Variants in ANKS1A observed in about 807,000 individuals in gnomAD.
ANKS1A encodes ankyrin repeat and SAM domain-containing protein 1A.
A neutral mutation model predicts 120.3 loss-of-function variants in ANKS1A; 55 were observed. That is an observed-to-expected ratio of 0.46 (90% CI 0.37 to 0.57). The LOEUF (loss-of-function observed/expected upper bound fraction) is 0.57, where lower values mean the gene tolerates loss of function less well. Among genes scored for constraint, ANKS1A ranks in the 20% least tolerant of loss-of-function variants. The pLI is 0.00. For synonymous variants in ANKS1A, 590 were observed against 604.7 expected, an observed-to-expected ratio of 0.98 and a Z score of 0.36; for missense variants, 1,123 against 1,480.3, an observed-to-expected ratio of 0.76 and a Z score of 3.96.
Position 35,054,090 on chromosome 6 carries a change from C to G in ANKS1A, c.2011-9C>G. 1 of 1,613,124 alleles carries G rather than the reference C, an allele frequency of 6.2e-7. No individual in the cohort carries two copies. On this transcript the variant is annotated splice_polypyrimidine_tract_variant and intron_variant, in intron 11 of 23. Transcript: ENST00000360359. The stretch of plus-strand genomic sequence containing the variant: ...CTGCCTCTCCTCTTTGTTCTTTCTT[C>G]CATTTCAGATTGAGAAAATCATGAG...
chr6:35,044,384 G>A lies in ANKS1A; in HGVS notation c.2011-9715G>A, dbSNP rs114996802. On this transcript the variant is annotated intron_variant, in intron 11 of 23. Transcript: ENST00000360359. This position sits in a 1 kb window ranked among gnomAD's most constrained non-coding sequence, Gnocchi z 4.4. ...TGCTCACAGCCGCGTTGCTGAAAGCGGCAAAGCTGATTCCACAGTCTCAGG... is the reference window on the plus strand; with the variant it reads ...TGCTCACAGCCGCGTTGCTGAAAGCAGCAAAGCTGATTCCACAGTCTCAGG... Among the ~76,000 whole-genome samples, 1,198 of 152,348 alleles carry A rather than the reference G, an allele frequency of 7.9e-3. 9 individuals carry two copies. Among genetic ancestry groups the A allele is most frequent in the African/African-American group, 0.024 (1,018 of 41,586 alleles).
At chr6:35,069,417 A>T (rs1776962051) in intron 13 of ANKS1A, among the ~76,000 whole-genome samples, 2 of 151,992 alleles carry the variant, frequency 1.3e-5, no homozygotes, top group Non-Finnish European at 2.9e-5. Flanking sequence ...AAAGTAACTT[A>T]GGTCTCTTGG....
intron 1 of ANKS1A, among the ~76,000 whole-genome samples, chr6:34,938,953 G>A (rs1769397445): frequency 6.6e-6 from 1 of 152,162 alleles, no homozygotes; most frequent in Non-Finnish European, 1.5e-5. Context: ...TCGCCACTGT[G>A]CTCCAGCCTG....
chr6:34,971,931 G>T (rs1282144913), intron 3 of ANKS1A, among the ~76,000 whole-genome samples: 1 of 152,172 alleles, frequency 6.6e-6, no homozygotes, highest in Non-Finnish European at 1.5e-5. Context: ...ATTTGGGAAT[G>T]AAAAGTATCT....
intron 10 of ANKS1A, among the ~76,000 whole-genome samples, chr6:35,004,805 A>G (rs1002355545): frequency 6.6e-6 from 1 of 152,182 alleles, no homozygotes; most frequent in African/African-American, 2.4e-5. Context: ...ATACCATCCT[A>G]ATCTAACCAC....
At chr6:34,960,140 A>G (rs561612431) in intron 1 of ANKS1A, among the ~76,000 whole-genome samples, 20 of 151,438 alleles carry the variant, frequency 1.3e-4, no homozygotes, top group Non-Finnish European at 2.4e-4. Flanking sequence ...GTTTGATGCT[A>G]CTCTGCCTGT....
intron 1 of ANKS1A, among the ~76,000 whole-genome samples, chr6:34,941,516 C>T (rs1248427171): frequency 6.6e-6 from 1 of 152,148 alleles, no homozygotes; most frequent in East Asian, 1.9e-4. Context: ...AATCCTCCCA[C>T]CTCGGCCTCA....
intron 1 of ANKS1A, among the ~76,000 whole-genome samples, chr6:34,909,165 G>A (rs945820735): frequency 8.6e-5 from 13 of 151,956 alleles, no homozygotes; most frequent in Admixed American, 6.6e-4. Context: ...TTTCTCCACC[G>A]TACACCCATG....
chr6:35,088,400 C>G (rs919033935), intron 23 of ANKS1A, among the ~76,000 whole-genome samples: 2 of 152,166 alleles, frequency 1.3e-5, no homozygotes, highest in Admixed American at 6.5e-5. Context: ...GCGTACCCAC[C>G]CATCCTTGTG....
Position 35,044,568 on chromosome 6 carries a change from C to T in ANKS1A, c.2011-9531C>T, listed in dbSNP as rs1477127680. ...TTGTCTTGGATCCTCCGGTTTGCTTCGCGCCCCAAGAGCTGCCTTGTAGAA... is the reference window on the plus strand; with the variant it reads ...TTGTCTTGGATCCTCCGGTTTGCTTTGCGCCCCAAGAGCTGCCTTGTAGAA... On this transcript the variant is annotated intron_variant, in intron 11 of 23. Transcript: ENST00000360359. The surrounding 1 kb of genome is among the most constrained non-coding windows in gnomAD (Gnocchi z 4.4). Among the ~76,000 whole-genome samples the T allele has an allele frequency of 3.3e-5, 5 of 152,186 alleles. No individual in the cohort carries two copies. The highest frequency in any genetic ancestry group is 1.2e-4 in the African/African-American group (5 of 41,446).
At chr6:34,897,626 A>G (rs922094715) in intron 1 of ANKS1A, among the ~76,000 whole-genome samples, 1 of 152,150 alleles carries the variant, frequency 6.6e-6, no homozygotes, top group Admixed American at 6.5e-5. Flanking sequence ...GGTAGAGAAA[A>G]TTATATCGTA....
Position 34,889,337 on chromosome 6 carries a change from T to C in ANKS1A, c.-66T>C. 8.1e-7 allele frequency: 1 copy of C among 1,230,562 alleles called. No homozygotes were observed. Among genetic ancestry groups the C allele is most frequent in the African/African-American group, 1.6e-5 (1 of 63,916 alleles). The allele number at this position is 1,230,562 out of a possible 1,614,324, so 76.2% of individuals were successfully genotyped here. On this transcript the variant is annotated 5_prime_UTR_variant, in exon 1 of 24. Transcript: ENST00000360359. This position sits in a 1 kb window ranked among gnomAD's most constrained non-coding sequence, Gnocchi z 5.5. Reference sequence around the variant, plus strand: ...GGGTGCGTTGCCCGGAGACGGAAAGTTTGGGAGCCCGAGCAGGCTCGGCTG... The same window carrying C: ...GGGTGCGTTGCCCGGAGACGGAAAGCTTGGGAGCCCGAGCAGGCTCGGCTG...
At chr6:35,093,023 C>T (rs1561976567), downstream of ANKS1A, among the ~76,000 whole-genome samples, 1 of 151,936 alleles carries the variant, frequency 6.6e-6, no homozygotes, top group Non-Finnish European at 1.5e-5. Flanking sequence ...GTATCCAAGT[C>T]CCATAAATAG....
chr6:35,020,131 G>T (rs1774255941), intron 11 of ANKS1A, among the ~76,000 whole-genome samples: 1 of 151,960 alleles, frequency 6.6e-6, no homozygotes, highest in Non-Finnish European at 1.5e-5. Flanking sequence ...TAGTGAGAGG[G>T]CCTCGAGCAT....
At chr6:34,921,584 G>A (rs1025118342) in intron 1 of ANKS1A, among the ~76,000 whole-genome samples, 15 of 152,282 alleles carry the variant, frequency 9.9e-5, no homozygotes, top group African/African-American at 3.6e-4. Context: ...GCTATTTCTA[G>A]TGCAATGGGC....
intron 11 of ANKS1A, chr6:35,039,588 C>T (rs933434999): frequency 6.6e-6 from 3 of 456,562 alleles, no homozygotes; most frequent in African/African-American, 6.0e-5. Flanking sequence ...GAAAATGGCC[C>T]ACACACTTAC....
At chr6:34,963,527 G>A (rs1323954111) in intron 1 of ANKS1A, among the ~76,000 whole-genome samples, 4 of 152,168 alleles carry the variant, frequency 2.6e-5, no homozygotes, top group Non-Finnish European at 4.4e-5. Context: ...TCCATTGATG[G>A]ACAGGTAGGT....
chr6:35,045,052 T>C (rs2820230), intron 11 of ANKS1A, among the ~76,000 whole-genome samples: 79,716 of 152,062 alleles, frequency 0.52, 21,879 homozygotes, highest in Middle Eastern at 0.65. Context: ...GCAACAGAGG[T>C]AGACAGGCAT....
intron 1 of ANKS1A, among the ~76,000 whole-genome samples, chr6:34,959,505 G>A (rs1770529981): frequency 6.6e-6 from 1 of 152,196 alleles, no homozygotes; most frequent in South Asian, 2.1e-4. Context: ...GTATGAATAA[G>A]CAGGATAAAT....
Sources: gnomAD v4.1 joint callset for allele counts (sites outside exome capture counted in the v4.1 genomes callset) on GRCh38, gnomAD v4.1.1 for gene constraint, Gnocchi (gnomAD v3.1) non-coding constraint, MANE v1.5 for transcripts, NCBI Gene and HGNC (gene_info 2026-07-23, HGNC 2026-07-21) for gene names.